The following KLHL14 variants were observed in gnomAD, a reference collection of about 807,000 sequenced individuals.
KLHL14 encodes the protein kelch-like protein 14.
KLHL14 carries 22 observed loss-of-function variants against 64.3 expected under a neutral mutation model. That is an observed-to-expected ratio of 0.34 (90% CI 0.24 to 0.49). KLHL14 has a LOEUF of 0.49. Among genes scored for constraint, KLHL14 ranks in the 20% least tolerant of loss-of-function variants. The pLI is 0.99. For synonymous variants in KLHL14, 322 were observed against 333.4 expected, an observed-to-expected ratio of 0.97 and a Z score of 0.37; for missense variants, 661 against 789.0, an observed-to-expected ratio of 0.84 and a Z score of 1.94.
At chr18:32,760,887 C>T (rs765329020) in intron 2 of KLHL14, among the ~76,000 whole-genome samples, 5 of 152,186 alleles carry the variant, frequency 3.3e-5, no homozygotes, top group African/African-American at 4.8e-5. Context: ...TTCCCACTTC[C>T]TTCTGATGCC....
chr18:32,703,715 T>C (rs2049977011), intron 3 of KLHL14, among the ~76,000 whole-genome samples: 1 of 152,238 alleles, frequency 6.6e-6, no homozygotes, highest in Non-Finnish European at 1.5e-5. Context: ...CAAAGTCTTA[T>C]TTTTATCTTA....
intron 3 of KLHL14, chr18:32,741,003 A>T (rs764651758): frequency 6.6e-6 from 1 of 152,224 alleles, no homozygotes; most frequent in Non-Finnish European, 1.5e-5. Flanking sequence ...AAAAATAAAC[A>T]TGGTAAAATA....
intron 3 of KLHL14, among the ~76,000 whole-genome samples, chr18:32,710,548 A>G (rs2050013998): frequency 6.6e-6 from 1 of 152,196 alleles, no homozygotes; most frequent in African/African-American, 2.4e-5. Flanking sequence ...TGTGCTGTAT[A>G]TGAAACAGAA....
rs548640411 is a variant in KLHL14 at position 32,720,794 on chromosome 18, A to G, written c.1069+21134T>C. On this transcript the variant is annotated intron_variant, in intron 3 of 8. Transcript: ENST00000359358. ...TGTGACTTTCACTGAGATGAAGGCC[A>G]TCTCACCAGTACTACAAGTACGAAA... 9.5e-4 allele frequency among the ~76,000 whole-genome samples: 145 copies of G among 152,340 alleles called. 1 individual carries two copies. The highest frequency in any genetic ancestry group is 3.2e-3 in the African/African-American group (131 of 41,580).
At chr18:32,733,865 G>T in intron 3 of KLHL14, 1 of 326,350 alleles carries the variant, frequency 3.1e-6, no homozygotes, top group Non-Finnish European at 5.7e-6. Context: ...AAATTGCTAC[G>T]GTCTTTCCAA....
chr18:32,770,409 G>T lies in KLHL14; in HGVS notation c.183C>A (p.Leu61=). The change falls in exon 2 of 9, where the codon CTC becomes CTA. Residue 61 remains leucine (L), a synonymous_variant. Transcript: ENST00000359358. The surrounding 1 kb of genome is among the most constrained non-coding windows in gnomAD (Gnocchi z 6.7). ...LASCSQYFRS[L]FSSHPPLGGG... ...CCCCGAGAGGGGGGTGGCTGGAGAA[G>T]AGCGATCGGAAGTACTGCGAGCAGG... 6.2e-7 allele frequency: 1 copy of T among 1,603,488 alleles called. No individual in the cohort carries two copies. The highest frequency in any genetic ancestry group is 8.5e-7 in the Non-Finnish European group (1 of 1,174,030).
chr18:32,758,992 G>T (rs774905598), intron 2 of KLHL14, among the ~76,000 whole-genome samples: 2 of 152,164 alleles, frequency 1.3e-5, no homozygotes, highest in Non-Finnish European at 2.9e-5. Context: ...ATGGGTTTTT[G>T]GGGGAGGGAA....
chr18:32,725,258 G>C (rs2050102416), intron 3 of KLHL14, among the ~76,000 whole-genome samples: 1 of 152,044 alleles, frequency 6.6e-6, no homozygotes, highest in Admixed American at 6.6e-5. Flanking sequence ...TCAAACTCCT[G>C]GGCTCAAGCA....
intron 2 of KLHL14, among the ~76,000 whole-genome samples, chr18:32,763,692 G>A (rs908623859): frequency 6.6e-6 from 1 of 152,152 alleles, no homozygotes; most frequent in Non-Finnish European, 1.5e-5. Flanking sequence ...TTGCGTGTGT[G>A]TAATCATCTT....
chr18:32,728,970 G>T (rs1024405197), intron 3 of KLHL14, among the ~76,000 whole-genome samples: 1 of 152,162 alleles, frequency 6.6e-6, no homozygotes, highest in African/African-American at 2.4e-5. Context: ...CCTTCATTTC[G>T]GCTAGTTTGC....
chr18:32,675,627 C>G (rs1292047575), intron 8 of KLHL14, among the ~76,000 whole-genome samples: 1 of 152,032 alleles, frequency 6.6e-6, no homozygotes, highest in Non-Finnish European at 1.5e-5. Context: ...ATAAAATGTC[C>G]TTAATCTTGT....
At chr18:32,689,385 T>C (rs2049896086) in intron 4 of KLHL14, among the ~76,000 whole-genome samples, 3 of 152,176 alleles carry the variant, frequency 2.0e-5, no homozygotes, top group African/African-American at 7.2e-5. Flanking sequence ...AAAGGTGTGG[T>C]ATTTTGGAAG....
chr18:32,679,574 C>T (rs1008048853), intron 7 of KLHL14, among the ~76,000 whole-genome samples: 6 of 151,810 alleles, frequency 4.0e-5, no homozygotes, highest in Non-Finnish European at 5.9e-5. Context: ...AAGTTGCAGT[C>T]GTATACATAT....
In KLHL14 at chr18:32,724,030, G is replaced by A. The variant is rs116235368; in HGVS notation, c.1069+17898C>T. 2.7e-3 allele frequency among the ~76,000 whole-genome samples: 408 copies of A among 152,116 alleles called. 2 individuals are homozygous for A. Among genetic ancestry groups the A allele is most frequent in the African/African-American group, 9.5e-3 (393 of 41,510 alleles). On this transcript the variant is annotated intron_variant, in intron 3 of 8. Coordinates refer to ENST00000359358, the MANE Select transcript of KLHL14 (RefSeq NM_020805.3). ...ATAAACACTTTTCTGAATAAATCCA[G>A]TTGGAAAAAAAATATCATGTTAGAA...
Position 32,737,073 on chromosome 18 carries a change from A to G in KLHL14, c.1069+4855T>C, listed in dbSNP as rs529521798. On this transcript the variant is annotated intron_variant, in intron 3 of 8. Coordinates refer to ENST00000359358, the MANE Select transcript of KLHL14 (RefSeq NM_020805.3). ...CTATAAATAAGTCTAAATTCTTCCT[A>G]GGCATTTTCAGAGTCGTTCAAAAGT... 6.6e-5 allele frequency among the ~76,000 whole-genome samples: 10 copies of G among 152,230 alleles called. No homozygotes were observed. The South Asian group carries it at 2.1e-3, about 32-fold the overall frequency.
chr18:32,694,604 G>C (rs1338568455), intron 4 of KLHL14, among the ~76,000 whole-genome samples: 1 of 152,208 alleles, frequency 6.6e-6, no homozygotes, highest in Admixed American at 6.5e-5. Flanking sequence ...GTGAACAGAT[G>C]TAACAATTTT....
At chr18:32,679,233 C>G (rs899255534) in intron 7 of KLHL14, among the ~76,000 whole-genome samples, 4 of 152,026 alleles carry the variant, frequency 2.6e-5, no homozygotes, top group African/African-American at 9.7e-5. Context: ...TTTATTTCAT[C>G]TACAGGTAAA....
intron 2 of KLHL14, among the ~76,000 whole-genome samples, chr18:32,763,919 C>T (rs1003334747): frequency 6.6e-6 from 1 of 152,098 alleles, no homozygotes; most frequent in Non-Finnish European, 1.5e-5. Flanking sequence ...ATAAGACAAA[C>T]CTACAATGGG....
intron 3 of KLHL14, among the ~76,000 whole-genome samples, chr18:32,714,559 G>A (rs548336545): frequency 1.3e-5 from 2 of 152,246 alleles, no homozygotes; most frequent in South Asian, 4.1e-4. Flanking sequence ...GAATCTTTTT[G>A]TGTACTGTGA....
Sources: allele counts gnomAD v4.1 joint callset (sites outside exome capture counted in the v4.1 genomes callset), GRCh38; gene constraint gnomAD v4.1.1; non-coding constraint Gnocchi (gnomAD v3.1); transcripts MANE v1.5; gene names NCBI Gene and HGNC (gene_info 2026-07-23, HGNC 2026-07-21).